POLE2: variants seen among roughly 807,000 people sequenced by gnomAD.
POLE2 encodes the protein DNA polymerase epsilon 2, accessory subunit, also known as DNA polymerase epsilon subunit 2.
Under a neutral mutation model 79.4 loss-of-function variants are expected in POLE2, and 56 were observed. The ratio of observed to expected loss-of-function variants is 0.71; its 90% CI spans 0.57 to 0.88. The LOEUF (loss-of-function observed/expected upper bound fraction) is 0.88, where lower values mean the gene tolerates loss of function less well. Among genes scored for constraint, POLE2 ranks in the 40% least tolerant of loss-of-function variants. The probability of loss-of-function intolerance (pLI) is 0.00; values close to 1 mark genes in which losing one functional copy is unlikely to be tolerated. For synonymous variants in POLE2, 212 were observed against 214.0 expected (o/e 0.99, Z 0.08); for missense variants, 598 against 638.9 (o/e 0.94, Z 0.69).
At chr14:49,663,910 G>A (rs1024579717) in intron 9 of POLE2, among the ~76,000 whole-genome samples, 4 of 151,890 alleles carry the variant, frequency 2.6e-5, no homozygotes, top group East Asian at 3.9e-4. Flanking sequence ...AGTGGCAGGC[G>A]CCTGTAGTCC....
intron 15 of POLE2, among the ~76,000 whole-genome samples, chr14:49,652,089 T>A (rs540063409): frequency 1.4e-4 from 21 of 152,182 alleles, no homozygotes; most frequent in African/African-American, 3.6e-4. Context: ...GGTCCCTTTT[T>A]CCAGGATCGG....
At chr14:49,649,239 C>G (rs867656898) in intron 17 of POLE2, among the ~76,000 whole-genome samples, 1 of 146,990 alleles carries the variant, frequency 6.8e-6, no homozygotes, top group East Asian at 2.0e-4. Context: ...CTCTGTCTCC[C>G]GGGTTCACGC....
intron 10 of POLE2, among the ~76,000 whole-genome samples, chr14:49,660,630 T>G (rs909346448): frequency 2.0e-4 from 31 of 152,150 alleles, no homozygotes; most frequent in Non-Finnish European, 4.4e-4. Context: ...GGCTCACACC[T>G]ATAATCCCAG....
At chr14:49,687,552 G>C (rs1887243100) in intron 1 of POLE2, among the ~76,000 whole-genome samples, 3 of 152,026 alleles carry the variant, frequency 2.0e-5, no homozygotes, top group Admixed American at 2.0e-4. Context: ...AGGTCACAAT[G>C]TTGATAACCG....
chr14:49,668,189 G>A (rs1052906552), intron 6 of POLE2, among the ~76,000 whole-genome samples: 1 of 152,134 alleles, frequency 6.6e-6, no homozygotes, highest in Non-Finnish European at 1.5e-5. Context: ...AGAATTGCTT[G>A]AACCTGGGAA....
At chr14:49,686,824 G>A (rs1190013456) in intron 1 of POLE2, among the ~76,000 whole-genome samples, 1 of 151,942 alleles carries the variant, frequency 6.6e-6, no homozygotes, top group Admixed American at 6.6e-5. Context: ...AAATGTCAAG[G>A]ACCAATTGAA....
At chr14:49,666,472 CTT>C in intron 6 of POLE2, 59 bp from the exon 7 acceptor site, 2 of 694,404 alleles carry the variant, frequency 2.9e-6, no homozygotes, top group Non-Finnish European at 4.5e-6. Flanking sequence ...AGAAACAAAA[CTT>C]TTTATAAATA....
chr14:49,674,420 C>T lies in POLE2; in HGVS notation c.253G>A (p.Val85Ile), dbSNP rs751563432. 2.5e-5 allele frequency: 40 copies of T among 1,604,798 alleles called. No homozygotes were observed. The highest frequency in any genetic ancestry group is 3.2e-5 in the Non-Finnish European group (37 of 1,172,942). Residue 85 changes from valine (V) to isoleucine (I), a missense_variant, in exon 4 of 19, where the codon GTT becomes ATT. Val to Ile is a conservative substitution (Grantham distance 29). Transcript: ENST00000216367. ...SQSVDETIEHVFNIIGAFDIP... is the reference protein window; with the variant it reads ...SQSVDETIEHIFNIIGAFDIP... ...TCAAATGCTCCTATGATATTGAAAA[C>T]GTGCTCTCTGAAAAACATCCCACAA...
chr14:49,661,016 G>A (rs1030421698), intron 10 of POLE2, among the ~76,000 whole-genome samples: 1 of 152,052 alleles, frequency 6.6e-6, no homozygotes, highest in Admixed American at 6.6e-5. Flanking sequence ...TGCAACCTCC[G>A]CCTCCAAAGT....
At chr14:49,657,809 AACC>A (rs1884804170) in intron 10 of POLE2, among the ~76,000 whole-genome samples, 1 of 152,186 alleles carries the variant, frequency 6.6e-6, no homozygotes, top group Non-Finnish European at 1.5e-5. Context: ...GCAAACACTG[AACC>A]ATTGCTCCTT....
chr14:49,671,043 G>A (rs960349596), intron 5 of POLE2, among the ~76,000 whole-genome samples: 6 of 152,142 alleles, frequency 3.9e-5, no homozygotes, highest in African/African-American at 7.2e-5. Context: ...TTCATTTTCT[G>A]GAAGATAATT....
intron 3 of POLE2, chr14:49,677,224 G>T: frequency 1.2e-6 from 1 of 800,684 alleles, no homozygotes; most frequent in Non-Finnish European, 2.1e-6. Flanking sequence ...TTACCTCACG[G>T]CTTACTGTCT....
At chr14:49,655,332 C>T (rs1369761988) in intron 11 of POLE2, among the ~76,000 whole-genome samples, 1 of 151,956 alleles carries the variant, frequency 6.6e-6, no homozygotes, top group Non-Finnish European at 1.5e-5. Flanking sequence ...GGTTAAGTAA[C>T]CTGCCCAGGG....
intron 9 of POLE2, 70 bp downstream of exon 9, chr14:49,664,556 T>C (rs1885338481): frequency 2.5e-5 from 24 of 969,008 alleles, no homozygotes; most frequent in Non-Finnish European, 3.6e-5. Context: ...CATGTTAACA[T>C]ATTTTACCCA....
At chr14:49,643,731 G>C in intron 18 of POLE2, 61 bp from the exon 19 acceptor site, 1 of 858,352 alleles carries the variant, frequency 1.2e-6, no homozygotes, top group South Asian at 1.6e-5. Flanking sequence ...ACTAATAGTT[G>C]TAGTTAATTT....
chr14:49,677,363 C>T (rs916707516), intron 3 of POLE2: 8 of 506,068 alleles, frequency 1.6e-5, no homozygotes, highest in African/African-American at 3.9e-5. Context: ...TCCTTCAGCT[C>T]CTGCTGGGTA....
At chr14:49,655,493 G>T (rs1206426672) in intron 11 of POLE2, among the ~76,000 whole-genome samples, 178 bp downstream of exon 11, 3 of 134,278 alleles carry the variant, frequency 2.2e-5, no homozygotes, top group African/African-American at 1.1e-4. Context: ...ACACACACAG[G>T]TTTTTTTCTT....
chr14:49,656,637 A>C (rs1211342763), intron 10 of POLE2, among the ~76,000 whole-genome samples: 1 of 151,998 alleles, frequency 6.6e-6, no homozygotes, highest in East Asian at 1.9e-4. Flanking sequence ...GGTCAGTAGG[A>C]AAGTGGGTAA....
intron 1 of POLE2, among the ~76,000 whole-genome samples, chr14:49,687,367 G>C (rs987590317): frequency 6.6e-6 from 1 of 150,578 alleles, no homozygotes; most frequent in African/African-American, 2.4e-5. Flanking sequence ...ACACGGAGCA[G>C]ATTTAATGAG....
Sources: allele counts gnomAD v4.1 joint callset (sites outside exome capture counted in the v4.1 genomes callset), GRCh38; gene constraint gnomAD v4.1.1; transcripts MANE v1.5; gene names NCBI Gene and HGNC (gene_info 2026-07-23, HGNC 2026-07-21).